Variants in AGMO observed in about 807,000 individuals in gnomAD.
AGMO encodes the protein glyceryl-ether monooxygenase.
AGMO carries 75 observed loss-of-function variants against 60.2 expected under a neutral mutation model. The observed-to-expected ratio is 1.25, with a 90% CI of 1.03 to 1.51. The LOEUF (loss-of-function observed/expected upper bound fraction) is 1.51, where lower values mean the gene tolerates loss of function less well. Ranked by LOEUF, AGMO falls within the 40% of genes most tolerant of loss-of-function variation. The pLI, the probability that AGMO is intolerant of heterozygous loss-of-function variation, is 0.00. For missense variants in AGMO, 763 were observed against 525.5 expected (o/e 1.45, Z -4.42); for synonymous variants, 261 against 177.1 (o/e 1.47, Z -3.76).
intron 12 of AGMO, among the ~76,000 whole-genome samples, chr7:15,343,341 T>C (rs1001563634): frequency 6.6e-6 from 1 of 152,184 alleles, no homozygotes; most frequent in Non-Finnish European, 1.5e-5. Flanking sequence ...GAAATAATTA[T>C]AGACAACATT....
intron 5 of AGMO, among the ~76,000 whole-genome samples, chr7:15,403,075 G>GA (rs953030567): frequency 6.6e-6 from 1 of 151,736 alleles, no homozygotes; most frequent in Non-Finnish European, 1.5e-5. Context: ...TGGGACTGAT[G>GA]AAAAAAATCA....
At chr7:15,305,992 ATAAATTC>A (rs2128528671) in intron 12 of AGMO, among the ~76,000 whole-genome samples, 1 of 152,188 alleles carries the variant, frequency 6.6e-6, no homozygotes, top group Non-Finnish European at 1.5e-5. Flanking sequence ...CTGGTAATTC[ATAAATTC>A]TAAACATTTA....
At chr7:15,353,553 A>G (rs1782339421) in intron 12 of AGMO, among the ~76,000 whole-genome samples, 1 of 152,212 alleles carries the variant, frequency 6.6e-6, no homozygotes, top group African/African-American at 2.4e-5. Context: ...ACTCAACTAA[A>G]AGAAAAAAGA....
intron 3 of AGMO, among the ~76,000 whole-genome samples, chr7:15,476,290 G>A (rs1439974038): frequency 6.6e-6 from 1 of 152,110 alleles, no homozygotes; most frequent in Non-Finnish European, 1.5e-5. Context: ...AGATTTCTGT[G>A]AGGTCACTTT....
At chr7:15,187,848 A>T in the AGMO span, among the ~76,000 whole-genome samples, 1 of 152,050 alleles carries the variant, frequency 6.6e-6, no homozygotes, top group Admixed American at 6.6e-5. Context: ...GTTGGTGTTT[A>T]AAGTTACTCC....
intron 12 of AGMO, among the ~76,000 whole-genome samples, chr7:15,322,559 T>C (rs1426894131): frequency 2.1e-5 from 1 of 47,822 alleles, no homozygotes; most frequent in Non-Finnish European, 3.3e-5. Flanking sequence ...TATATATAAA[T>C]ATATAAATAT....
chr7:15,389,982 G>T (rs1049380547), intron 8 of AGMO, among the ~76,000 whole-genome samples: 1 of 152,008 alleles, frequency 6.6e-6, no homozygotes, highest in Middle Eastern at 3.2e-3. Context: ...CCAGTCCCCC[G>T]TACAGAGCTG....
At chr7:15,314,490 T>C (rs986502646) in intron 12 of AGMO, among the ~76,000 whole-genome samples, 1 of 152,188 alleles carries the variant, frequency 6.6e-6, no homozygotes, top group African/African-American at 2.4e-5. Flanking sequence ...GAAACAGTTA[T>C]ATTGTACTTT....
intron 3 of AGMO, among the ~76,000 whole-genome samples, chr7:15,467,391 T>C (rs1337143637): frequency 6.6e-6 from 1 of 152,240 alleles, no homozygotes; most frequent in East Asian, 1.9e-4. Context: ...AGAATGGCAG[T>C]TACAATATTT....
intron 2 of AGMO, among the ~76,000 whole-genome samples, chr7:15,555,610 T>A (rs114277789): frequency 0.013 from 1,916 of 152,090 alleles, 47 homozygotes; most frequent in African/African-American, 0.045. Flanking sequence ...TAATTTCTTC[T>A]TAACAGCAAC....
intron 5 of AGMO, chr7:15,396,048 GAA>G (rs1419763948): frequency 6.6e-6 from 1 of 152,184 alleles, no homozygotes; most frequent in African/African-American, 2.4e-5. Flanking sequence ...TTACCCACCT[GAA>G]AAGAGTTCTT....
At chr7:15,348,215 A>C (rs1234592272) in intron 12 of AGMO, among the ~76,000 whole-genome samples, 1 of 152,028 alleles carries the variant, frequency 6.6e-6, no homozygotes, top group East Asian at 1.9e-4. Context: ...CTAATGAGTC[A>C]ACTCCAACTC....
intron 3 of AGMO, among the ~76,000 whole-genome samples, chr7:15,522,989 C>T (rs890829134): frequency 6.6e-6 from 1 of 152,068 alleles, no homozygotes; most frequent in African/African-American, 2.4e-5. Context: ...AGAACTTAAA[C>T]AAATTTACAA....
At chr7:15,198,196 C>CGAGA (rs748392069), downstream of AGMO, among the ~76,000 whole-genome samples, 812 of 77,294 alleles carry the variant, frequency 0.011, 63 homozygotes, top group East Asian at 0.024. Context: ...AGGGCTTTCC[C>CGAGA]GAGAGAGAGA....
At chr7:15,134,770 G>A in the AGMO span, among the ~76,000 whole-genome samples, 1 of 151,776 alleles carries the variant, frequency 6.6e-6, no homozygotes, top group African/African-American at 2.4e-5. Context: ...TTTTGAGGAA[G>A]GAAGGGGAAG....
At chr7:15,134,669 A>G in the AGMO span, among the ~76,000 whole-genome samples, 1 of 152,104 alleles carries the variant, frequency 6.6e-6, no homozygotes, top group Non-Finnish European at 1.5e-5. Context: ...TCCCATGGTT[A>G]TATGTACCAC....
At chr7:15,228,691 C>A (rs1163484210) in intron 12 of AGMO, among the ~76,000 whole-genome samples, 2 of 152,232 alleles carry the variant, frequency 1.3e-5, no homozygotes, top group South Asian at 4.1e-4. Flanking sequence ...AAAAAATGAT[C>A]TGGCATTTAT....
chr7:15,361,946 T>C (rs952862594), intron 12 of AGMO, among the ~76,000 whole-genome samples: 47 of 152,122 alleles, frequency 3.1e-4, no homozygotes, highest in African/African-American at 1.1e-3. Context: ...ATATACAACA[T>C]TGATTTATAT....
At chr7:15,464,128 C>G (rs964695750) in intron 3 of AGMO, among the ~76,000 whole-genome samples, 1 of 152,212 alleles carries the variant, frequency 6.6e-6, no homozygotes, top group Non-Finnish European at 1.5e-5. Context: ...TACAGAAACT[C>G]TTGTCCACAC....
Sources: allele counts gnomAD v4.1 joint callset (sites outside exome capture counted in the v4.1 genomes callset), GRCh38; gene constraint gnomAD v4.1.1; transcripts MANE v1.5; gene names NCBI Gene and HGNC (gene_info 2026-07-23, HGNC 2026-07-21).